LHFPL2: variants seen among roughly 807,000 people sequenced by gnomAD.
LHFPL2 encodes the protein LHFPL tetraspan subfamily member 2 protein.
LHFPL2 carries 7 observed loss-of-function variants against 17.5 expected under a neutral mutation model. That is an observed-to-expected ratio of 0.40 (90% CI 0.23 to 0.75). The LOEUF (loss-of-function observed/expected upper bound fraction) is 0.75. Ranked by LOEUF, LHFPL2 falls within the 30% of genes least tolerant of loss-of-function variation. LHFPL2 has a pLI of 0.37. For missense variants in LHFPL2, 241 were observed against 294.8 expected, an observed-to-expected ratio of 0.82 and a Z score of 1.34; for synonymous variants, 134 against 116.2, an observed-to-expected ratio of 1.15 and a Z score of -0.99.
At chr5:78,532,124 A>C (rs1353767822) in intron 3 of LHFPL2, among the ~76,000 whole-genome samples, 1 of 152,072 alleles carries the variant, frequency 6.6e-6, no homozygotes, top group African/African-American at 2.4e-5. Context: ...GGGTTTCACC[A>C]TGTTGGCCAG....
chr5:78,581,188 CATTG>C (rs2112442983), intron 2 of LHFPL2, among the ~76,000 whole-genome samples: 2 of 152,112 alleles, frequency 1.3e-5, no homozygotes, highest in African/African-American at 4.8e-5. Context: ...GATTTTTGTA[CATTG>C]ATTGACGATG....
intron 1 of LHFPL2, among the ~76,000 whole-genome samples, chr5:78,645,048 C>T (rs1745816906): frequency 6.6e-6 from 1 of 152,146 alleles, no homozygotes; most frequent in Admixed American, 6.5e-5. Flanking sequence ...ACAAATAGGC[C>T]TCCCCTTCTC....
At chr5:78,641,474 G>A (rs1294937482) in intron 1 of LHFPL2, among the ~76,000 whole-genome samples, 1 of 152,164 alleles carries the variant, frequency 6.6e-6, no homozygotes, top group Non-Finnish European at 1.5e-5. Flanking sequence ...ATAACTGGGT[G>A]CAGGTTTCCT....
At chr5:78,496,577 C>T (rs1754613983) in intron 4 of LHFPL2, among the ~76,000 whole-genome samples, 1 of 152,252 alleles carries the variant, frequency 6.6e-6, no homozygotes, top group South Asian at 2.1e-4. Flanking sequence ...TGACCCAGCA[C>T]AGCTCACTAC....
At chr5:78,540,662 C>T (rs1302467788) in intron 3 of LHFPL2, among the ~76,000 whole-genome samples, 1 of 152,246 alleles carries the variant, frequency 6.6e-6, no homozygotes, top group East Asian at 1.9e-4. Flanking sequence ...TTCAAGCATC[C>T]TGTCACTGCT....
At position 78,552,424 on chromosome 5, in the gene LHFPL2, C is replaced by T. The variant is rs186146232; in HGVS notation, c.-186+12389G>A. Among the ~76,000 whole-genome samples, 788 of 152,324 alleles carry T rather than the reference C, an allele frequency of 5.2e-3. 4 individuals carry two copies. Among genetic ancestry groups the T allele is most frequent in the African/African-American group, 0.016 (673 of 41,564 alleles). On this transcript the variant is annotated intron_variant, in intron 3 of 4. Transcript: ENST00000380345. The stretch of plus-strand genomic sequence containing the variant: ...CTGGGATTGCAGGCGTGAGCCACCG[C>T]GCCTGGCCATGTCAGTGATATTTTT...
At chr5:78,617,503 G>A (rs1442720996) in intron 2 of LHFPL2, among the ~76,000 whole-genome samples, 1 of 152,018 alleles carries the variant, frequency 6.6e-6, no homozygotes, top group Non-Finnish European at 1.5e-5. Context: ...TGCACCCATG[G>A]GTGCAATTTT....
chr5:78,551,413 G>C (rs1363046261), intron 3 of LHFPL2, among the ~76,000 whole-genome samples: 6 of 152,158 alleles, frequency 3.9e-5, no homozygotes, highest in Admixed American at 2.6e-4. Flanking sequence ...TTGGTGAGTT[G>C]GTAATTGGGC....
chr5:78,608,420 A>G (rs1438107784), intron 2 of LHFPL2, among the ~76,000 whole-genome samples: 2 of 152,154 alleles, frequency 1.3e-5, no homozygotes, highest in Non-Finnish European at 2.9e-5. Flanking sequence ...TACTTACACA[A>G]CCTCCATGTG....
At chr5:78,561,231 A>G (rs1295221433) in intron 3 of LHFPL2, among the ~76,000 whole-genome samples, 7 of 152,256 alleles carry the variant, frequency 4.6e-5, no homozygotes, top group Non-Finnish European at 8.8e-5. Context: ...ACATACTTAA[A>G]CATTTTCCAA....
intron 2 of LHFPL2, among the ~76,000 whole-genome samples, chr5:78,623,418 T>C (rs6868873): frequency 0.073 from 11,173 of 152,284 alleles, 1,384 homozygotes; most frequent in African/African-American, 0.25. Flanking sequence ...CTCCATTAAC[T>C]TTCTTTCTGC....
chr5:78,556,660 T>C (rs1007904583), intron 3 of LHFPL2, among the ~76,000 whole-genome samples: 6 of 152,152 alleles, frequency 3.9e-5, no homozygotes, highest in African/African-American at 1.4e-4. Flanking sequence ...TGGTTTAAGA[T>C]ATACATCATA....
At chr5:78,494,454 A>G in intron 4 of LHFPL2, 1 of 985,338 alleles carries the variant, frequency 1.0e-6, no homozygotes, top group Non-Finnish European at 1.2e-6. Flanking sequence ...CCCGTGTTCT[A>G]ACAGCCTCAT....
At chr5:78,588,616 A>T (rs1445608687) in intron 2 of LHFPL2, among the ~76,000 whole-genome samples, 1 of 152,180 alleles carries the variant, frequency 6.6e-6, no homozygotes, top group East Asian at 1.9e-4. Context: ...ATAATCTAAG[A>T]TATCATTACT....
At chr5:78,492,941 C>T (rs1412303827) in intron 4 of LHFPL2, among the ~76,000 whole-genome samples, 5 of 152,120 alleles carry the variant, frequency 3.3e-5, no homozygotes, top group East Asian at 3.9e-4. Flanking sequence ...CCCTGACTGG[C>T]GGGCCTCTGC....
At chr5:78,646,748 G>A (rs1041742722) in intron 1 of LHFPL2, among the ~76,000 whole-genome samples, 2 of 151,990 alleles carry the variant, frequency 1.3e-5, no homozygotes, top group African/African-American at 4.8e-5. Context: ...CATCAACACC[G>A]AGCCCATGCA....
intron 2 of LHFPL2, among the ~76,000 whole-genome samples, chr5:78,605,843 T>C (rs1744194879): frequency 6.6e-6 from 1 of 152,204 alleles, no homozygotes; most frequent in Admixed American, 6.5e-5. Flanking sequence ...ACAATATTAA[T>C]CATCTTACAT....
intron 3 of LHFPL2, among the ~76,000 whole-genome samples, chr5:78,532,793 G>C (rs1470849767): frequency 6.6e-6 from 1 of 151,146 alleles, no homozygotes; most frequent in East Asian, 2.0e-4. Context: ...ACAATTCTAG[G>C]GTCAGTTTAC....
chr5:78,592,621 T>TACACAC (rs3068900), intron 2 of LHFPL2, among the ~76,000 whole-genome samples: 1 of 129,512 alleles, frequency 7.7e-6, no homozygotes, highest in Admixed American at 7.9e-5. Context: ...AAAATTCAGA[T>TACACAC]ACACACACAC....
Sources: gnomAD v4.1 joint callset for allele counts (sites outside exome capture counted in the v4.1 genomes callset) on GRCh38, gnomAD v4.1.1 for gene constraint, MANE v1.5 for transcripts, NCBI Gene and HGNC (gene_info 2026-07-23, HGNC 2026-07-21) for gene names.